The following HNRNPAB variants were observed in gnomAD, a reference collection of about 807,000 sequenced individuals.
The protein encoded by HNRNPAB is ABBP-1.
A neutral mutation model predicts 44.1 loss-of-function variants in HNRNPAB; 17 were observed. The ratio of observed to expected loss-of-function variants is 0.39; its 90% CI spans 0.26 to 0.58. The LOEUF (loss-of-function observed/expected upper bound fraction) is 0.58, where lower values mean the gene tolerates loss of function less well. HNRNPAB is among the 20% of genes least tolerant of loss of function. The pLI, the probability that HNRNPAB is intolerant of heterozygous loss-of-function variation, is 0.63. For synonymous variants in HNRNPAB, 183 were observed against 167.6 expected (o/e 1.09, Z -0.71); for missense variants, 393 against 432.7 (o/e 0.91, Z 0.81).
At chr5:178,205,629 C>T in intron 2 of HNRNPAB, 1 of 524,082 alleles carries the variant, frequency 1.9e-6, no homozygotes, top group Non-Finnish European at 3.4e-6. Context: ...TTGCTTCTCA[C>T]AGGCTGGGGC....
Position 178,206,867 on chromosome 5 carries a change from G to C in HNRNPAB, c.514G>C (p.Glu172Gln). The change falls in exon 4 of 8, where the codon GAG becomes CAG. Residue 172 changes from glutamate to glutamine, a missense_variant. By Grantham distance (29) the Glu-to-Gln change is conservative. This residue lies in a region of HNRNPAB where 102 missense variants were observed against 162.3 expected (regional missense o/e 0.63). Transcript: ENST00000358344. ...TGAAGCCACTGAGGAAAAGATCAGG[G>C]AGTACTTTGGCGAGTTTGGGGAGGT... ...NPEATEEKIR[E>Q]YFGEFGEIEA... 1 of 1,614,176 alleles carries C rather than the reference G, an allele frequency of 6.2e-7. No individual in the cohort carries two copies. Among genetic ancestry groups the C allele is most frequent in the South Asian group, 1.1e-5 (1 of 91,076 alleles).
rs1480528636 is a variant in HNRNPAB, at chr5:178,210,759, T to C, written c.*136T>C. ...TGCATCTTATTTAAAATTTCCCCCA[T>C]GGAAATCACTCTCCTGTTGACTATT... On this transcript the variant is annotated 3_prime_UTR_variant, in exon 8 of 8. Transcript: ENST00000358344. The C allele has an allele frequency of 1.4e-6, 1 of 700,606 alleles. No homozygotes were observed. The highest frequency in any genetic ancestry group is 2.5e-6 in the Non-Finnish European group (1 of 393,522). 43.4% of individuals were successfully genotyped at this position (700,606 alleles called of 1,614,324 possible). A position where few individuals can be genotyped will look rare whatever the true frequency, so the allele number is the denominator to read the frequency against.
Position 178,210,743 on chromosome 5 carries a change from T to C in HNRNPAB, c.*120T>C, listed in dbSNP as rs1430903596. 2.6e-6 allele frequency: 2 copies of C among 766,838 alleles called. No individual in the cohort carries two copies. Among genetic ancestry groups the C allele is most frequent in the East Asian group, 2.7e-5 (1 of 37,518 alleles). 47.5% of individuals were successfully genotyped at this position (766,838 alleles called of 1,614,324 possible). ...TATTGCCTGTCCCATGTGCATCTTA[T>C]TTAAAATTTCCCCCATGGAAATCAC... On this transcript the variant is annotated 3_prime_UTR_variant, in exon 8 of 8. Transcript: ENST00000358344.
At chr5:178,210,028 G>C in intron 6 of HNRNPAB, 104 bp from the exon 7 acceptor site, 1 of 1,515,058 alleles carries the variant, frequency 6.6e-7, no homozygotes, top group Non-Finnish European at 8.9e-7. Context: ...TTCTGCCTGA[G>C]TTGCCACAGT....
Position 178,209,362 on chromosome 5 carries a change from C to CT in HNRNPAB, c.703dup (p.Tyr235LeufsTer79). The stretch of plus-strand genomic sequence containing the variant: ...TCAAGGTGGCCCAGCCCAAAGAAGT[C>CT]TATCAGCAGCAGCAGTATGGCTCTG... On this transcript the variant is annotated frameshift_variant, in exon 6 of 8. Coordinates refer to ENST00000358344, the MANE Select transcript of HNRNPAB (RefSeq NM_031266.3). LOFTEE classifies it high-confidence loss of function. 3 of 1,614,114 alleles carry CT rather than the reference C, an allele frequency of 1.9e-6. No individual in the cohort carries two copies. The highest frequency in any genetic ancestry group is 1.1e-5 in the South Asian group (1 of 91,084).
intron 2 of HNRNPAB, among the ~76,000 whole-genome samples, 188 bp downstream of exon 2, chr5:178,205,234 G>A (rs1756994659): frequency 6.6e-6 from 1 of 150,844 alleles, no homozygotes; most frequent in Non-Finnish European, 1.5e-5. Context: ...GCGGGAGTTT[G>A]TTGGGTCGAC....
chr5:178,209,438 G>A lies in HNRNPAB; in HGVS notation c.778G>A (p.Gly260Arg), dbSNP rs770373329. 10 of 1,613,674 alleles carry A rather than the reference G, an allele frequency of 6.2e-6. No homozygotes were observed. Among genetic ancestry groups the A allele is most frequent in the Non-Finnish European group, 8.5e-6 (10 of 1,179,626 alleles). Residue 260 changes from glycine to arginine, a missense_variant, in exon 6 of 8, where the codon GGA becomes AGA. Transcript: ENST00000358344. ...RGNRGSGGGG[G>R]GGGQSQSWNQ... ...GAACCGAGGCAGCGGAGGTGGTGGT[G>A]GAGGTGGAGGTGAGTGGAACGTGGA...
chr5:178,210,444 C>A, intron 7 of HNRNPAB, 109 bp from the exon 8 acceptor site: 2 of 1,496,962 alleles, frequency 1.3e-6, no homozygotes, highest in Non-Finnish European at 9.2e-7. Flanking sequence ...ATGAGGAAGG[C>A]AGTCTCTGCT....
At chr5:178,210,054 A>G in intron 6 of HNRNPAB, 78 bp from the exon 7 acceptor site, 1 of 1,573,144 alleles carries the variant, frequency 6.4e-7, no homozygotes, top group East Asian at 2.3e-5. Context: ...TGCCACCCCA[A>G]AGGGCAGGAT....
intron 3 of HNRNPAB, among the ~76,000 whole-genome samples, chr5:178,206,253 G>T (rs1182577617): frequency 2.0e-5 from 3 of 152,212 alleles, no homozygotes; most frequent in African/African-American, 7.2e-5. Context: ...CCTTTTATGT[G>T]CCTATTCTGG....
rs1203582617 is a variant in HNRNPAB, at chr5:178,204,872, C to T, written c.35C>T (p.Thr12Met). Residue 12 changes from threonine to methionine, a missense_variant, in exon 2 of 8, where the codon ACG becomes ATG. Thr to Met is a moderately conservative substitution (Grantham distance 81). This residue lies in a region of HNRNPAB where 81 missense variants were observed against 73.4 expected (regional missense o/e 1.10). Transcript: ENST00000358344. ...GCGGGCGAGGAGCAGCCCATGGAGA[C>T]GACGGGCGCCACCGAGAACGGACAT... is the stretch of plus-strand genomic sequence containing the variant. ...SEAGEEQPMETTGATENGHEA... is the reference protein window; with the variant it reads ...SEAGEEQPMEMTGATENGHEA... 3.1e-4 allele frequency: 366 copies of T among 1,171,666 alleles called. No individual in the cohort carries two copies. The highest frequency in any genetic ancestry group is 3.5e-4 in the Non-Finnish European group (337 of 959,244). The allele number at this position is 1,171,666 out of a possible 1,614,324, so 72.6% of individuals were successfully genotyped here. A position where few individuals can be genotyped will look rare whatever the true frequency, so the allele number is the denominator to read the frequency against.
At position 178,210,201 on chromosome 5, in the gene HNRNPAB, A is replaced by C. The variant is rs1375664116; in HGVS notation, c.857A>C (p.Tyr286Ser). 1.2e-6 allele frequency: 2 copies of C among 1,612,768 alleles called. No homozygotes were observed. The highest frequency in any genetic ancestry group is 2.7e-5 in the African/African-American group (2 of 74,918). ...CAGGGCTACGGCTACCAGCAGGGCT[A>C]CGGGCCTGGCTATGGCGGCTACGAC... ...WNQGYGYQQG[Y>S]GPGYGGYDYS... Residue 286 changes from tyrosine to serine, a missense_variant, in exon 7 of 8, where the codon TAC becomes TCC. By Grantham distance (144) the Tyr-to-Ser change is moderately radical. Coordinates refer to ENST00000358344, the MANE Select transcript of HNRNPAB (RefSeq NM_031266.3).
In HNRNPAB at chr5:178,209,445, G is replaced by A. The variant is rs71611420; in HGVS notation, c.785G>A (p.Gly262Glu). Reference sequence around the variant, plus strand: ...GGCAGCGGAGGTGGTGGTGGAGGTGGAGGTGAGTGGAACGTGGATGAAGAT... The same window carrying A: ...GGCAGCGGAGGTGGTGGTGGAGGTGAAGGTGAGTGGAACGTGGATGAAGAT... The part of the protein sequence containing the change: ...NRGSGGGGGG[G>E]GQSQSWNQGY... The change falls in exon 6 of 8, where the codon GGA becomes GAA. Residue 262 changes from glycine to glutamate, a missense_variant and splice_region_variant. By Grantham distance (98) the Gly-to-Glu change is moderately conservative. Around this residue, in one of 3 missense-constraint regions of HNRNPAB, gnomAD observed 210 missense variants for 196.9 expected, o/e 1.07. Transcript: ENST00000358344. 6.2e-7 allele frequency: 1 copy of A among 1,613,312 alleles called. No individual in the cohort carries two copies. Among genetic ancestry groups the A allele is most frequent in the East Asian group, 2.2e-5 (1 of 44,876 alleles).
intron 5 of HNRNPAB, 60 bp from the exon 6 acceptor site, chr5:178,209,270 T>A: frequency 7.8e-7 from 1 of 1,290,222 alleles, no homozygotes; most frequent in Non-Finnish European, 1.1e-6. Context: ...TGAAGGTGTT[T>A]GGGCAGTCAC....
Position 178,205,383 on chromosome 5 carries a change from G to T in HNRNPAB, c.209+337G>T, listed in dbSNP as rs1041896038. Among the ~76,000 whole-genome samples, 12 of 152,216 alleles carry T rather than the reference G, an allele frequency of 7.9e-5. No homozygotes were observed. The South Asian group carries it at 2.5e-3, about 32-fold the overall frequency. Reference sequence around the variant, plus strand: ...GGCGGCGTCTTGGGCCGCGCCGGCGGCTGCGTGGGCGGAGTTGGCGCGAGC... The same window carrying T: ...GGCGGCGTCTTGGGCCGCGCCGGCGTCTGCGTGGGCGGAGTTGGCGCGAGC... On this transcript the variant is annotated intron_variant, in intron 2 of 7. Transcript: ENST00000358344.
In HNRNPAB at chr5:178,209,992, A is replaced by G. The variant is rs1458992746; in HGVS notation, c.788-140A>G. The G allele has an allele frequency of 5.1e-6, 6 of 1,173,934 alleles. 1 individual carries two copies. The highest frequency in any genetic ancestry group is 4.6e-5 in the South Asian group (3 of 65,034). The allele number at this position is 1,173,934 out of a possible 1,614,324, so 72.7% of individuals were successfully genotyped here. A position where few individuals can be genotyped will look rare whatever the true frequency, so the allele number is the denominator to read the frequency against. Reference sequence around the variant, plus strand: ...ATGCAGGGTTGGGCCCAGGGCCCTTATACACCAGAACAGCAGCCCCTTGGC... The same window carrying G: ...ATGCAGGGTTGGGCCCAGGGCCCTTGTACACCAGAACAGCAGCCCCTTGGC... On this transcript the variant is annotated intron_variant, in intron 6 of 7. Transcript: ENST00000358344.
At chr5:178,209,027 G>T (rs1349957234) in intron 5 of HNRNPAB, 3 of 344,614 alleles carry the variant, frequency 8.7e-6, no homozygotes, top group Non-Finnish European at 1.6e-5. Context: ...GTCCCAGCCT[G>T]TCCTCTGCTC....
intron 7 of HNRNPAB, 108 bp downstream of exon 7, chr5:178,210,380 C>G (rs973432069): frequency 3.2e-6 from 5 of 1,583,062 alleles, no homozygotes; most frequent in Non-Finnish European, 4.3e-6. Context: ...ACAGGCCTGG[C>G]TCAGCCATGG....
At position 178,204,654 on chromosome 5, in the gene HNRNPAB, G is replaced by A; in HGVS notation, c.-110G>A. 3.3e-6 allele frequency: 1 copy of A among 305,002 alleles called. No homozygotes were observed. 18.9% of individuals were successfully genotyped at this position (305,002 alleles called of 1,614,324 possible). On this transcript the variant is annotated 5_prime_UTR_variant, in exon 1 of 8. Transcript: ENST00000358344. ...GTGGGCTGACTGGGGCGAGGCCTCA[G>A]CAGCGCGAGCTTGAGTGCGGCCGAG...
Sources: allele counts gnomAD v4.1 joint callset (sites outside exome capture counted in the v4.1 genomes callset), GRCh38; gene constraint gnomAD v4.1.1; regional missense constraint gnomAD v4.1.1; transcripts MANE v1.5; gene names NCBI Gene and HGNC (gene_info 2026-07-23, HGNC 2026-07-21).